The following HTR1F variants were observed in gnomAD, a reference collection of about 807,000 sequenced individuals.
HTR1F encodes the protein 5-hydroxytryptamine receptor 1F, also known as 5-hydroxytryptamine (serotonin) receptor 1F, G protein-coupled.
Under a neutral mutation model 24.0 loss-of-function variants are expected in HTR1F, and 17 were observed. The observed-to-expected ratio is 0.71, with a 90% CI of 0.48 to 1.06. The LOEUF is 1.06. Ranked by LOEUF, HTR1F falls within the 50% of genes least tolerant of loss-of-function variation. The pLI is 0.00. For missense variants in HTR1F, 391 were observed against 427.8 expected, an observed-to-expected ratio of 0.91 and a Z score of 0.76; for synonymous variants, 186 against 156.8, an observed-to-expected ratio of 1.19 and a Z score of -1.39.
chr3:87,987,519 A>T (rs1320053136), intron 2 of HTR1F, among the ~76,000 whole-genome samples: 1 of 151,110 alleles, frequency 6.6e-6, no homozygotes, highest in Non-Finnish European at 1.5e-5. Context: ...CTTTCATATC[A>T]ACTGAAAAGA....
intron 2 of HTR1F, among the ~76,000 whole-genome samples, chr3:87,934,717 T>A (rs989210674): frequency 6.6e-6 from 1 of 152,170 alleles, no homozygotes; most frequent in African/African-American, 2.4e-5. Flanking sequence ...CAATCAAACA[T>A]AAGACTGAAG....
intron 2 of HTR1F, among the ~76,000 whole-genome samples, chr3:87,954,822 A>G (rs1451661107): frequency 6.6e-6 from 1 of 151,644 alleles, no homozygotes. Flanking sequence ...TATTTCTGAC[A>G]CAAACTTTTT....
intron 1 of HTR1F, among the ~76,000 whole-genome samples, chr3:87,818,039 G>T (rs769188435): frequency 2.4e-4 from 37 of 152,240 alleles, no homozygotes; most frequent in Non-Finnish European, 5.0e-4. Context: ...TTTATCCTTG[G>T]TTGTTTTAAT....
At chr3:87,958,811 G>A (rs1237454344) in intron 2 of HTR1F, among the ~76,000 whole-genome samples, 1 of 151,478 alleles carries the variant, frequency 6.6e-6, no homozygotes, top group Non-Finnish European at 1.5e-5. Context: ...TTCACAATTA[G>A]AGGTGTTCCC....
intron 2 of HTR1F, among the ~76,000 whole-genome samples, chr3:87,829,463 T>C (rs2919246): frequency 0.065 from 9,896 of 152,180 alleles, 992 homozygotes; most frequent in African/African-American, 0.22. Context: ...TCCTCCAAAT[T>C]TGGCAGAAGA....
At position 87,830,493 on chromosome 3, in the gene HTR1F, C is replaced by A. The variant is rs1188802300; in HGVS notation, c.-43+8369C>A. On this transcript the variant is annotated intron_variant, in intron 2 of 2. Transcript: ENST00000319595. ...ACTATGTATTATAATGATATAACTTCATTATTCACTATCTCATTTTCCTAT... is the reference window on the plus strand; with the variant it reads ...ACTATGTATTATAATGATATAACTTAATTATTCACTATCTCATTTTCCTAT... 1.3e-5 allele frequency among the ~76,000 whole-genome samples: 2 copies of A among 152,148 alleles called. 1 individual carries two copies. The highest frequency in any genetic ancestry group is 4.8e-5 in the African/African-American group (2 of 41,424).
At chr3:87,881,301 C>T (rs1178883343) in intron 2 of HTR1F, among the ~76,000 whole-genome samples, 1 of 152,168 alleles carries the variant, frequency 6.6e-6, no homozygotes, top group East Asian at 1.9e-4. Flanking sequence ...CTTGGCGGGT[C>T]CCACACCAAC....
rs939775184 is a variant in HTR1F, at chr3:87,992,281, A to G, written c.*431A>G. 1.2e-5 allele frequency: 2 copies of G among 167,256 alleles called. No individual in the cohort carries two copies. The highest frequency in any genetic ancestry group is 4.8e-5 in the African/African-American group (2 of 41,446). 10.4% of individuals were successfully genotyped at this position (167,256 alleles called of 1,614,324 possible). ...TATTTTGTATAAGAAAATATAATTC[A>G]CCACAAAGTACACATTTCTCCTGTC... On this transcript the variant is annotated 3_prime_UTR_variant, in exon 3 of 3. Transcript: ENST00000319595.
intron 2 of HTR1F, among the ~76,000 whole-genome samples, chr3:87,975,913 C>G (rs776255713): frequency 5.3e-5 from 8 of 152,146 alleles, no homozygotes; most frequent in Non-Finnish European, 1.0e-4. Context: ...GATGACAAAT[C>G]AACTGCCCAA....
intron 1 of HTR1F, among the ~76,000 whole-genome samples, chr3:87,812,457 G>T (rs1322663301): frequency 2.0e-5 from 3 of 152,044 alleles, no homozygotes; most frequent in Non-Finnish European, 4.4e-5. Flanking sequence ...GTGGAACTTT[G>T]AATTTGAGAG....
chr3:87,834,661 T>C (rs1025972316), intron 2 of HTR1F, among the ~76,000 whole-genome samples: 38 of 152,336 alleles, frequency 2.5e-4, no homozygotes, highest in African/African-American at 8.7e-4. Context: ...GTCTGCAAAG[T>C]ATAACCTGCA....
chr3:87,918,458 C>A (rs972802912), intron 2 of HTR1F, among the ~76,000 whole-genome samples: 14 of 151,894 alleles, frequency 9.2e-5, no homozygotes, highest in Non-Finnish European at 1.5e-4. Context: ...ATGATTTGAT[C>A]ATTTACCTAG....
chr3:87,963,800 C>T (rs934831752), intron 2 of HTR1F, among the ~76,000 whole-genome samples: 4 of 152,082 alleles, frequency 2.6e-5, no homozygotes, highest in African/African-American at 9.7e-5. Flanking sequence ...CATGGTTTAT[C>T]CCAACCTATC....
At chr3:87,934,137 C>T (rs1218044107) in intron 2 of HTR1F, among the ~76,000 whole-genome samples, 2 of 152,204 alleles carry the variant, frequency 1.3e-5, no homozygotes, top group Non-Finnish European at 2.9e-5. Context: ...TCTTGACCTA[C>T]TCGAACCCCT....
At position 87,991,352 on chromosome 3, in the gene HTR1F, C is replaced by T; in HGVS notation, c.603C>T (p.Tyr201=). Residue 201 remains tyrosine, a synonymous_variant, in exon 3 of 3, where the codon TAC becomes TAT. Coordinates refer to ENST00000319595, the MANE Select transcript of HTR1F (RefSeq NM_001322209.2). ...YIPLALILIL[Y]YKIYRAAKTL... is the part of the protein sequence containing the mutation. ...CACTGGCATTGATTTTGATCCTTTACTACAAAATATATAGAGCAGCAAAGA... is the reference window on the plus strand; with the variant it reads ...CACTGGCATTGATTTTGATCCTTTATTACAAAATATATAGAGCAGCAAAGA... 4.3e-6 allele frequency: 7 copies of T among 1,613,868 alleles called. No homozygotes were observed. Among genetic ancestry groups the T allele is most frequent in the Non-Finnish European group, 5.9e-6 (7 of 1,179,988 alleles).
intron 2 of HTR1F, among the ~76,000 whole-genome samples, chr3:87,987,654 A>AAAAATGTATGTAT (rs1384305515): frequency 0.013 from 1,571 of 122,348 alleles, 215 homozygotes; most frequent in Admixed American, 0.03. Context: ...ATATATATAT[A>AAAAATGTATGTAT]TATAAAAATA....
At chr3:87,934,822 T>C (rs1027049285) in intron 2 of HTR1F, among the ~76,000 whole-genome samples, 3 of 152,196 alleles carry the variant, frequency 2.0e-5, no homozygotes, top group African/African-American at 7.2e-5. Context: ...CGGAGTTGCA[T>C]TAAAAATTCA....
chr3:87,929,596 G>T (rs949647888), intron 2 of HTR1F, among the ~76,000 whole-genome samples: 1 of 152,136 alleles, frequency 6.6e-6, no homozygotes, highest in Non-Finnish European at 1.5e-5. Context: ...CTTTGTGGAA[G>T]ATCAGATGGT....
At chr3:87,815,500 G>A (rs543125771) in intron 1 of HTR1F, among the ~76,000 whole-genome samples, 14 of 151,952 alleles carry the variant, frequency 9.2e-5, no homozygotes, top group South Asian at 8.3e-4. Context: ...TTGTATTGAC[G>A]GCTTTATTTA....
Sources: allele counts gnomAD v4.1 joint callset (sites outside exome capture counted in the v4.1 genomes callset), GRCh38; gene constraint gnomAD v4.1.1; transcripts MANE v1.5; gene names NCBI Gene and HGNC (gene_info 2026-07-23, HGNC 2026-07-21).